The following GMPR variants were observed in gnomAD, a reference collection of about 807,000 sequenced individuals.
The protein encoded by GMPR is guanosine monophosphate reductase.
A neutral mutation model predicts 38.4 loss-of-function variants in GMPR; 31 were observed. That is an observed-to-expected ratio of 0.81 (90% CI 0.61 to 1.09). The LOEUF (loss-of-function observed/expected upper bound fraction) is 1.09. Ranked by LOEUF, GMPR falls within the 50% of genes least tolerant of loss-of-function variation. The probability of loss-of-function intolerance (pLI) is 0.00; values close to 1 mark genes in which losing one functional copy is unlikely to be tolerated. For missense variants in GMPR, 468 were observed against 453.7 expected (o/e 1.03, Z -0.29); for synonymous variants, 162 against 173.3 (o/e 0.93, Z 0.51).
intron 4 of GMPR, among the ~76,000 whole-genome samples, chr6:16,267,307 G>C (rs1397694808): frequency 2.6e-5 from 4 of 152,092 alleles, no homozygotes. Context: ...GGGAGGTGGA[G>C]CTTGCAGTGA....
chr6:16,280,359 T>C (rs900750141), intron 6 of GMPR, among the ~76,000 whole-genome samples: 2 of 152,152 alleles, frequency 1.3e-5, no homozygotes, highest in African/African-American at 4.8e-5. Flanking sequence ...TAATGCCTCA[T>C]CCAAATTTTT....
At chr6:16,294,299 CAG>C (rs1425425004) in intron 8 of GMPR, among the ~76,000 whole-genome samples, 1 of 152,184 alleles carries the variant, frequency 6.6e-6, no homozygotes, top group East Asian at 1.9e-4. Flanking sequence ...TGTAAGAGAA[CAG>C]GGAGTCGAAC....
intron 4 of GMPR, among the ~76,000 whole-genome samples, chr6:16,268,569 C>T (rs999125483): frequency 2.0e-4 from 31 of 152,168 alleles, no homozygotes; most frequent in African/African-American, 7.2e-4. Context: ...CGTGAGCCAC[C>T]GCGCCTGCCG....
At chr6:16,242,400 A>G (rs1334828051) in intron 1 of GMPR, among the ~76,000 whole-genome samples, 9 of 150,840 alleles carry the variant, frequency 6.0e-5, no homozygotes, top group Admixed American at 6.0e-4. Context: ...TGAGGACCAC[A>G]TACTTGGTGG....
intron 7 of GMPR, chr6:16,290,251 GT>G (rs1759811849): frequency 1.6e-6 from 1 of 609,088 alleles, no homozygotes; most frequent in Non-Finnish European, 3.0e-6. Context: ...GGCTGCATTT[GT>G]TTCTCGCAGT....
At chr6:16,259,522 G>C (rs541337113) in intron 4 of GMPR, 2 of 152,016 alleles carry the variant, frequency 1.3e-5, no homozygotes, top group East Asian at 3.9e-4. Context: ...GGGAGATAAT[G>C]GGCGATGTTT....
intron 7 of GMPR, among the ~76,000 whole-genome samples, chr6:16,288,367 C>T (rs537931520): frequency 2.0e-5 from 3 of 152,294 alleles, no homozygotes; most frequent in East Asian, 3.9e-4. Context: ...CTGGCCCTGC[C>T]GGCCTCAGGC....
intron 8 of GMPR, among the ~76,000 whole-genome samples, chr6:16,290,943 C>T (rs1221446312): frequency 6.6e-6 from 1 of 152,182 alleles, no homozygotes; most frequent in Non-Finnish European, 1.5e-5. Context: ...AGAGCCTGTG[C>T]TGAGCTATCC....
intron 4 of GMPR, among the ~76,000 whole-genome samples, chr6:16,268,017 T>C (rs529855681): frequency 6.6e-6 from 1 of 152,144 alleles, no homozygotes; most frequent in Non-Finnish European, 1.5e-5. Context: ...GGCGGACACA[T>C]TGAATGTTCC....
intron 1 of GMPR, among the ~76,000 whole-genome samples, chr6:16,246,576 A>T (rs1758759154): frequency 6.6e-6 from 1 of 152,122 alleles, no homozygotes; most frequent in South Asian, 2.1e-4. Flanking sequence ...GATAACATGT[A>T]TGTGGGTCTT....
At chr6:16,257,217 G>C (rs756736203) in intron 4 of GMPR, among the ~76,000 whole-genome samples, 2 of 152,134 alleles carry the variant, frequency 1.3e-5, no homozygotes, top group African/African-American at 2.4e-5. Flanking sequence ...CTTCCTGGCG[G>C]GTAACACGTC....
In GMPR at chr6:16,238,631, GCCGCCCCGCGCAGGCGCCCCCGCC is replaced by G. The variant is rs1166028253; in HGVS notation, c.-57_-34del. 1.6e-6 allele frequency: 1 copy of G among 618,410 alleles called. No individual in the cohort carries two copies. The highest frequency in any genetic ancestry group is 2.1e-6 in the Non-Finnish European group (1 of 475,436). The allele number at this position is 618,410 out of a possible 1,614,324, so 38.3% of individuals were successfully genotyped here. A position where few individuals can be genotyped will look rare whatever the true frequency, so the allele number is the denominator to read the frequency against. ...GCACAGCAGCCCCGGCGCTCCCCGC[GCCGCCCCGCGCAGGCGCCCCCGCC>G]CCGCCGTCGCCGCCGCCGCAGCCAG... On this transcript the variant is annotated 5_prime_UTR_variant, in exon 1 of 9. Transcript: ENST00000259727.
At chr6:16,246,288 G>C (rs1035596884) in intron 1 of GMPR, among the ~76,000 whole-genome samples, 1 of 152,222 alleles carries the variant, frequency 6.6e-6, no homozygotes, top group East Asian at 1.9e-4. Flanking sequence ...CTGCTTGCAA[G>C]TCAAAGGAAC....
At chr6:16,249,471 AT>A (rs2113671209) in intron 2 of GMPR, among the ~76,000 whole-genome samples, 2 of 152,202 alleles carry the variant, frequency 1.3e-5, no homozygotes, top group East Asian at 3.9e-4. Context: ...CGCTTAGCAA[AT>A]TTTAAAAGTT....
At chr6:16,255,232 C>T (rs1167489200) in intron 4 of GMPR, among the ~76,000 whole-genome samples, 3 of 152,066 alleles carry the variant, frequency 2.0e-5, no homozygotes, top group Non-Finnish European at 4.4e-5. Flanking sequence ...AGGCTGGTCT[C>T]GAACTCCTGA....
chr6:16,280,069 G>A (rs1759549833), intron 6 of GMPR, among the ~76,000 whole-genome samples: 1 of 152,178 alleles, frequency 6.6e-6, no homozygotes, highest in Non-Finnish European at 1.5e-5. Context: ...GGAGGAGCAA[G>A]GCTGTGGCTG....
At chr6:16,245,842 G>A (rs1357393014) in intron 1 of GMPR, among the ~76,000 whole-genome samples, 1 of 152,190 alleles carries the variant, frequency 6.6e-6, no homozygotes, top group Non-Finnish European at 1.5e-5. Flanking sequence ...GGCCTCTCTG[G>A]TCGGAGGATC....
intron 1 of GMPR, among the ~76,000 whole-genome samples, chr6:16,245,032 G>A (rs1357878033): frequency 6.6e-6 from 1 of 152,184 alleles, no homozygotes; most frequent in African/African-American, 2.4e-5. Flanking sequence ...GAGGATAGAA[G>A]AGTAATTTGA....
intron 1 of GMPR, among the ~76,000 whole-genome samples, chr6:16,244,641 T>C (rs1247161293): frequency 6.6e-6 from 1 of 152,162 alleles, no homozygotes; most frequent in Non-Finnish European, 1.5e-5. Flanking sequence ...CCCTTTCAGG[T>C]CAGGCTTAGA....
Sources: allele counts gnomAD v4.1 joint callset (sites outside exome capture counted in the v4.1 genomes callset), GRCh38; gene constraint gnomAD v4.1.1; transcripts MANE v1.5; gene names NCBI Gene and HGNC (gene_info 2026-07-23, HGNC 2026-07-21).